DLGAP1: variants seen among roughly 807,000 people sequenced by gnomAD.
The protein encoded by DLGAP1 is DLG associated protein 1.
A neutral mutation model predicts 90.8 loss-of-function variants in DLGAP1; 11 were observed. That is an observed-to-expected ratio of 0.12 (90% CI 0.08 to 0.20). The LOEUF (loss-of-function observed/expected upper bound fraction) is 0.20. DLGAP1 is among the 10% of genes least tolerant of loss of function. The pLI is 1.00. For missense variants in DLGAP1, 1,050 were observed against 1,333.8 expected, an observed-to-expected ratio of 0.79 and a Z score of 3.31; for synonymous variants, 558 against 540.7, an observed-to-expected ratio of 1.03 and a Z score of -0.44.
At chr18:4,127,319 A>G (rs185081918) in intron 2 of DLGAP1, among the ~76,000 whole-genome samples, 26 of 152,312 alleles carry the variant, frequency 1.7e-4, no homozygotes, top group Admixed American at 6.5e-4. Flanking sequence ...TCCAAAGGGG[A>G]AAAAACATGA....
intron 7 of DLGAP1, among the ~76,000 whole-genome samples, chr18:3,586,211 C>T (rs2055874198): frequency 6.6e-6 from 1 of 152,144 alleles, no homozygotes; most frequent in African/African-American, 2.4e-5. Context: ...GAGATCCCCC[C>T]CAACTTCGAA....
Position 4,348,400 on chromosome 18 carries a change from A to ATGTGTATGTGTGTGTG in DLGAP1, c.-267+106605_-267+106606insCACACACACATACACA, listed in dbSNP as rs71368742. 4.5e-3 allele frequency among the ~76,000 whole-genome samples: 603 copies of ATGTGTATGTGTGTGTG among 133,546 alleles called. 8 individuals are homozygous for ATGTGTATGTGTGTGTG. Among genetic ancestry groups the ATGTGTATGTGTGTGTG allele is most frequent in the African/African-American group, 0.018 (583 of 32,698 alleles). The allele number at this position is 133,546 out of a possible 152,430, so 87.6% of individuals were successfully genotyped here. ...CAGGTGCCTCAGGATGAACTCAGGA[A>ATGTGTATGTGTGTGTG]TGTGTGTGTGTGTGTGTGTGTGTGT... On this transcript the variant is annotated intron_variant, in intron 1 of 12. Coordinates refer to ENST00000315677, the MANE Select transcript of DLGAP1 (RefSeq NM_004746.4).
chr18:3,574,794 ATTTTATTTTAT>A (rs1414290695), intron 8 of DLGAP1, among the ~76,000 whole-genome samples: 1 of 90,366 alleles, frequency 1.1e-5, no homozygotes, highest in Non-Finnish European at 2.2e-5. Flanking sequence ...ATTTTATTTT[ATTTTATTTTAT>A]TTTATTTTAT....
intron 1 of DLGAP1, among the ~76,000 whole-genome samples, chr18:4,395,468 T>C (rs528605469): frequency 2.0e-5 from 3 of 152,308 alleles, no homozygotes; most frequent in South Asian, 4.1e-4. Flanking sequence ...GCTCCGCGTA[T>C]TACCTATAGC....
chr18:4,374,068 T>C (rs1163521424), intron 1 of DLGAP1, among the ~76,000 whole-genome samples: 1 of 152,128 alleles, frequency 6.6e-6, no homozygotes, highest in African/African-American at 2.4e-5. Context: ...GGAAAACTAA[T>C]CACAGAAATG....
At chr18:4,385,863 C>G (rs905278560) in intron 1 of DLGAP1, among the ~76,000 whole-genome samples, 3 of 152,108 alleles carry the variant, frequency 2.0e-5, no homozygotes, top group African/African-American at 2.4e-5. Context: ...TAAATTGGCA[C>G]TAATGTTATG....
intron 1 of DLGAP1, among the ~76,000 whole-genome samples, chr18:4,300,506 T>TA (rs945149441): frequency 3.9e-5 from 6 of 152,116 alleles, no homozygotes; most frequent in Non-Finnish European, 8.8e-5. Flanking sequence ...ATTTTACAAT[T>TA]AAAAAAACTC....
chr18:3,872,449 TTTTAA>T (rs900102946), intron 4 of DLGAP1, among the ~76,000 whole-genome samples: 2 of 152,076 alleles, frequency 1.3e-5, no homozygotes, highest in African/African-American at 4.8e-5. Context: ...CCTATTGTGG[TTTTAA>T]TTTAAGAATT....
intron 2 of DLGAP1, among the ~76,000 whole-genome samples, chr18:4,069,224 A>C (rs2075411718): frequency 6.6e-6 from 1 of 152,202 alleles, no homozygotes; most frequent in Non-Finnish European, 1.5e-5. Flanking sequence ...TAAAGTATTC[A>C]AAGCACTTGG....
intron 2 of DLGAP1, among the ~76,000 whole-genome samples, chr18:4,038,473 G>T (rs528214044): frequency 6.6e-6 from 1 of 152,020 alleles, no homozygotes; most frequent in Non-Finnish European, 1.5e-5. Context: ...AAAACCGCTT[G>T]CAGATAGTTC....
intron 3 of DLGAP1, chr18:3,962,501 A>C (rs950306062): frequency 5.9e-5 from 9 of 152,234 alleles, no homozygotes; most frequent in African/African-American, 2.2e-4. Context: ...TTTATATGTA[A>C]ATATTCTGAA....
chr18:4,099,392 C>T (rs184155879), intron 2 of DLGAP1, among the ~76,000 whole-genome samples: 47 of 152,004 alleles, frequency 3.1e-4, no homozygotes, highest in African/African-American at 1.0e-3. Flanking sequence ...GGAGATAGTG[C>T]GGGTTTGGTT....
intron 1 of DLGAP1, among the ~76,000 whole-genome samples, chr18:4,437,810 GA>G (rs1341413562): frequency 5.6e-3 from 1 of 178 alleles, no homozygotes; most frequent in Non-Finnish European, 0.016. Context: ...AATACAGTTG[GA>G]GGGTTATATT....
At chr18:3,839,792 G>T (rs1031759395) in intron 4 of DLGAP1, among the ~76,000 whole-genome samples, 5 of 152,048 alleles carry the variant, frequency 3.3e-5, no homozygotes, top group Non-Finnish European at 1.5e-5. Flanking sequence ...TTTGTTTCTG[G>T]GACACACCTC....
At chr18:3,897,827 G>T (rs974481176) in intron 3 of DLGAP1, among the ~76,000 whole-genome samples, 4 of 119,310 alleles carry the variant, frequency 3.4e-5, no homozygotes, top group Non-Finnish European at 6.4e-5. Flanking sequence ...TCGCTCTGTC[G>T]CCCAGGCCGG....
chr18:3,883,963 C>A (rs144820006), intron 3 of DLGAP1, among the ~76,000 whole-genome samples: 24 of 152,236 alleles, frequency 1.6e-4, no homozygotes, highest in Admixed American at 5.9e-4. Context: ...AGACAGAGGG[C>A]AATCCGCCTG....
chr18:4,076,631 T>A (rs992999160), intron 2 of DLGAP1, among the ~76,000 whole-genome samples: 18 of 151,864 alleles, frequency 1.2e-4, no homozygotes, highest in Non-Finnish European at 4.4e-5. Flanking sequence ...ATTATTATTA[T>A]TATTTTTCTT....
chr18:3,724,385 A>G (rs1370449649), intron 7 of DLGAP1, among the ~76,000 whole-genome samples: 1 of 152,190 alleles, frequency 6.6e-6, no homozygotes, highest in Non-Finnish European at 1.5e-5. Flanking sequence ...TTTACTCTTT[A>G]TAAAACTTGT....
chr18:4,069,560 C>T (rs1032144848), intron 2 of DLGAP1, among the ~76,000 whole-genome samples: 17 of 152,198 alleles, frequency 1.1e-4, no homozygotes, highest in Admixed American at 2.6e-4. Context: ...GTGAAATCTG[C>T]GTTTTAAAAG....
Sources: allele counts gnomAD v4.1 joint callset (sites outside exome capture counted in the v4.1 genomes callset), GRCh38; gene constraint gnomAD v4.1.1; transcripts MANE v1.5; gene names NCBI Gene and HGNC (gene_info 2026-07-23, HGNC 2026-07-21).